The following KRT31 variants were observed in gnomAD, a reference collection of about 807,000 sequenced individuals.
KRT31 encodes keratin 31, also known as keratin, type I cuticular Ha1.
KRT31 carries 27 observed loss-of-function variants against 40.8 expected under a neutral mutation model. That is an observed-to-expected ratio of 0.66 (90% confidence interval 0.49 to 0.91). The LOEUF (loss-of-function observed/expected upper bound fraction) is 0.91. KRT31 is among the 40% of genes least tolerant of loss of function. The pLI, the probability that KRT31 is intolerant of heterozygous loss-of-function variation, is 0.00. For synonymous variants in KRT31, 231 were observed against 231.9 expected (o/e 1.00, Z 0.03); for missense variants, 510 against 544.1 (o/e 0.94, Z 0.62).
chr17:41,394,221 C>G, intron 6 of KRT31, 52 bp from the exon 7 acceptor site: 1 of 1,596,366 alleles, frequency 6.3e-7, no homozygotes, highest in Non-Finnish European at 8.6e-7. Flanking sequence ...ATTTTAAAAT[C>G]ATATGCCAGA....
chr17:41,397,559 GGAGT>G lies in KRT31; in HGVS notation c.-24_-21del. ...GGGCATAGTGCTGGGAGGGAGGGAG[GGAGT>G]GCCTGGCTGAAGACAGAGTCTAAAT... On this transcript the variant is annotated 5_prime_UTR_variant, in exon 1 of 7. Transcript: ENST00000251645. The G allele has an allele frequency of 6.6e-7, 1 of 1,506,026 alleles. No homozygotes were observed. Among genetic ancestry groups the G allele is most frequent in the Non-Finnish European group, 9.2e-7 (1 of 1,090,782 alleles). 93.3% of individuals were successfully genotyped at this position (1,506,026 alleles called of 1,614,324 possible).
chr17:41,397,347 CG>C lies in KRT31; in HGVS notation c.192del (p.Asn64LysfsTer106), dbSNP rs773524777. The C allele has an allele frequency of 6.2e-7, 1 of 1,613,584 alleles. No homozygotes were observed. Among genetic ancestry groups the C allele is most frequent in the African/African-American group, 1.3e-5 (1 of 74,934 alleles). ...TTCTCCAGGTAGCTGGCCAGGCGGTCGTTCAGGAACTGCATAGTCTCCTTCT... is the reference window on the plus strand; with the variant it reads ...TTCTCCAGGTAGCTGGCCAGGCGGTCTTCAGGAACTGCATAGTCTCCTTCT... The part of the protein sequence containing the change: ...GSEKETMQFL[N>X]DRLASYLEKV... On this transcript the variant is annotated frameshift_variant, in exon 1 of 7. Coordinates refer to ENST00000251645, the MANE Select transcript of KRT31 (RefSeq NM_002277.3). LOFTEE classifies it high-confidence loss of function.
chr17:41,393,766 C>A lies in KRT31; in HGVS notation c.*250G>T, dbSNP rs2269820. 2.1e-6 allele frequency: 1 copy of A among 486,104 alleles called. No homozygotes were observed. The highest frequency in any genetic ancestry group is 3.6e-6 in the Non-Finnish European group (1 of 279,622). The allele number at this position is 486,104 out of a possible 1,614,324, so 30.1% of individuals were successfully genotyped here. On this transcript the variant is annotated 3_prime_UTR_variant, in exon 7 of 7. Transcript: ENST00000251645. ...ATTTATTAGGAGGTTAAAAGGGAGG[C>A]CCACTGGCACATCAGAGAGTTCTCT... is the stretch of plus-strand genomic sequence containing the variant.
intron 6 of KRT31, among the ~76,000 whole-genome samples, 194 bp downstream of exon 6, chr17:41,394,654 G>C (rs780537272): frequency 5.3e-5 from 8 of 152,196 alleles, no homozygotes; most frequent in Non-Finnish European, 1.2e-4. Flanking sequence ...ATTTCAGTTT[G>C]TACATCAAAC....
chr17:41,394,663 ACAACTCTTGCTAC>A, intron 6 of KRT31, 172 bp downstream of exon 6: 1 of 739,206 alleles, frequency 1.4e-6, no homozygotes, highest in African/African-American at 1.9e-5. Flanking sequence ...TGTACATCAA[ACAACTCTTGCTAC>A]CAAACCATTT....
Position 41,393,782 on chromosome 17 carries a change from A to G in KRT31, c.*234T>C. On this transcript the variant is annotated 3_prime_UTR_variant, in exon 7 of 7. Coordinates refer to ENST00000251645, the MANE Select transcript of KRT31 (RefSeq NM_002277.3). ...AAAGGGAGGCCCACTGGCACATCAG[A>G]GAGTTCTCTGGGTGAGCATAGGAAG... 1 of 503,848 alleles carries G rather than the reference A, an allele frequency of 2.0e-6. No individual in the cohort carries two copies. The highest frequency in any genetic ancestry group is 3.4e-5 in the South Asian group (1 of 29,374). The allele number at this position is 503,848 out of a possible 1,614,324, so 31.2% of individuals were successfully genotyped here.
At position 41,395,613 on chromosome 17, in the gene KRT31, G is replaced by T. The variant is rs751109532; in HGVS notation, c.599C>A (p.Thr200Asn). The change falls in exon 4 of 7, where the codon ACC becomes AAC. Residue 200 changes from threonine to asparagine, a missense_variant. Thr to Asn is a moderately conservative substitution (Grantham distance 65, BLOSUM62 0). Coordinates refer to ENST00000251645, the MANE Select transcript of KRT31 (RefSeq NM_002277.3). ...LKSNHEQEVN[T>N]LRCQLGDRLN... is the part of the protein sequence containing the mutation. ...GCGGTCTCCAAGCTGGCAGCGCAGG[G>T]TATTGACCTCCTATGGATGCAGAAA... 1 of 1,614,032 alleles carries T rather than the reference G, an allele frequency of 6.2e-7. No homozygotes were observed. Among genetic ancestry groups the T allele is most frequent in the Non-Finnish European group, 8.5e-7 (1 of 1,179,936 alleles).
At position 41,396,428 on chromosome 17, in the gene KRT31, G is replaced by A; in HGVS notation, c.580C>T (p.His194Tyr). ...CTCATTTCTAGTCTCACCTGCTCAT[G>A]GTTGCTCTTGAGGCAGAGCAGCTCC... The part of the protein sequence containing the change: ...KEELLCLKSN[H>Y]EQEVNTLRCQ... The change falls in exon 3 of 7, where the codon CAT becomes TAT. Residue 194 changes from histidine to tyrosine, a missense_variant. Physicochemically the swap from His to Tyr is moderately conservative, Grantham distance 83 (BLOSUM62 2). Transcript: ENST00000251645. The A allele has an allele frequency of 1.2e-6, 2 of 1,613,882 alleles. No individual in the cohort carries two copies. Among genetic ancestry groups the A allele is most frequent in the South Asian group, 2.2e-5 (2 of 91,044 alleles).
At chr17:41,396,782 TG>T (rs2144359431) in intron 2 of KRT31, 130 bp downstream of exon 2, 2 of 1,010,412 alleles carry the variant, frequency 2.0e-6, no homozygotes, top group East Asian at 5.1e-5. Flanking sequence ...TGCATTTCTT[TG>T]CTTGGTTCTC....
At position 41,397,472 on chromosome 17, in the gene KRT31, G is replaced by T. The variant is rs1244678150; in HGVS notation, c.68C>A (p.Pro23His). ...CAGGGTGCAGCTGTGGCAGCTGGGG[G>T]GCACGCAGGGCCGGGAGGAGCAGCT... ...RTSCSSRPCV[P>H]PSCHSCTLPG... The change falls in exon 1 of 7, where the codon CCC becomes CAC. Residue 23 changes from proline (P) to histidine (H), a missense_variant. By Grantham distance (77) the Pro-to-His change is moderately conservative. Coordinates refer to ENST00000251645, the MANE Select transcript of KRT31 (RefSeq NM_002277.3). 2.5e-6 allele frequency: 4 copies of T among 1,613,280 alleles called. No homozygotes were observed. The African/African-American group carries it at 5.3e-5, about 22-fold the overall frequency.
chr17:41,396,105 C>CAA (rs10711172), intron 3 of KRT31, among the ~76,000 whole-genome samples: 189 of 82,268 alleles, frequency 2.3e-3, no homozygotes, highest in Middle Eastern at 7.9e-3. Flanking sequence ...TGGCCTTTGC[C>CAA]AAAAAAAAAA....
rs778815556 is a variant in KRT31, at chr17:41,396,486, G to A, written c.522C>T (p.Ser174=). 189 of 1,614,056 alleles carry A rather than the reference G, an allele frequency of 1.2e-4. No individual in the cohort carries two copies. In the East Asian group the frequency reaches 1.9e-3, roughly 16 times the overall value. The change falls in exon 3 of 7, where the codon TCC becomes TCT. Residue 174 remains serine (S), a synonymous_variant. Transcript: ENST00000251645. The stretch of plus-strand genomic sequence containing the variant: ...GGGACTCCACCTGGGCCTCCAGGTC[G>A]GACTTGCACAGGGTCAGCTCATCCA... ...RILDELTLCK[S]DLEAQVESLK... is the part of the protein sequence containing the mutation.
chr17:41,394,897 C>T lies in KRT31; in HGVS notation c.1048G>A (p.Glu350Lys), dbSNP rs1289049386. Residue 350 changes from glutamate (E) to lysine (K), a missense_variant, in exon 6 of 7, where the codon GAG (glutamate) becomes AAG (lysine). By Grantham distance (56) the Glu-to-Lys change is moderately conservative. Coordinates refer to ENST00000251645, the MANE Select transcript of KRT31 (RefSeq NM_002277.3). ...QVLLDVRARL[E>K]CEINTYRSLL... The stretch of plus-strand genomic sequence containing the variant: ...CTCCGGTATGTGTTGATCTCACACT[C>T]CAGCCGGGCACGCACATCCAGCAGC... The T allele has an allele frequency of 1.2e-6, 2 of 1,613,854 alleles. No individual in the cohort carries two copies. The highest frequency in any genetic ancestry group is 2.2e-5 in the East Asian group (1 of 44,840).
rs757276506 is a variant in KRT31 at position 41,397,007 on chromosome 17, G to C, written c.349-12C>G. 7.4e-6 allele frequency: 12 copies of C among 1,611,346 alleles called. No individual in the cohort carries two copies. The highest frequency in any genetic ancestry group is 2.7e-5 in the African/African-American group (2 of 74,966). On this transcript the variant is annotated splice_polypyrimidine_tract_variant and intron_variant, in intron 1 of 6. Transcript: ENST00000251645. ...TTGGTACACAGGATCTGGGGAGTGA[G>C]AGGTGGCTTAGTGAGGACTGAAAAT...
Position 41,393,823 on chromosome 17 carries a change from A to T in KRT31, c.*193T>A. The T allele has an allele frequency of 1.8e-6, 1 of 571,302 alleles. No homozygotes were observed. The allele number at this position is 571,302 out of a possible 1,614,324, so 35.4% of individuals were successfully genotyped here. ...GCATAGGAAGGAACAGACCCCCAGG[A>T]AGGAAAGGGTGAGCAGGACAGTCTG... On this transcript the variant is annotated 3_prime_UTR_variant, in exon 7 of 7. Transcript: ENST00000251645.
At chr17:41,396,865 A>C in intron 2 of KRT31, 48 bp downstream of exon 2, 1 of 1,435,616 alleles carries the variant, frequency 7.0e-7, no homozygotes, top group Non-Finnish European at 9.8e-7. Context: ...TTTTCTTTAA[A>C]GATTAAACAG....
In KRT31 at chr17:41,395,162, G is replaced by A. The variant is rs866902276; in HGVS notation, c.876+83C>T. 6.8e-6 allele frequency: 11 copies of A among 1,610,098 alleles called. No individual in the cohort carries two copies. The South Asian group carries it at 1.1e-4, about 16-fold the overall frequency. On this transcript the variant is annotated intron_variant, in intron 5 of 6. Coordinates refer to ENST00000251645, the MANE Select transcript of KRT31 (RefSeq NM_002277.3). ...GAAGTCACAAGCTCCAAGAGCTAAG[G>A]AGAGTGTGTGGCCCCAAGCACATCC...
Position 41,396,513 on chromosome 17 carries a change from G to A in KRT31, c.495C>T (p.Ile165=), listed in dbSNP as rs1351776153. Residue 165 remains isoleucine, a synonymous_variant, in exon 3 of 7, where the codon ATC becomes ATT. Transcript: ENST00000251645. The part of the protein sequence containing the change: ...VESDINGLRR[I]LDELTLCKSD... Reference sequence around the variant, plus strand: ...ACTTGCACAGGGTCAGCTCATCCAGGATCCTGCGCAGACCGTTGATGTCCG... The same window carrying A: ...ACTTGCACAGGGTCAGCTCATCCAGAATCCTGCGCAGACCGTTGATGTCCG... 5 of 1,614,046 alleles carry A rather than the reference G, an allele frequency of 3.1e-6. No individual in the cohort carries two copies. The highest frequency in any genetic ancestry group is 4.5e-5 in the East Asian group (2 of 44,886).
chr17:41,393,859 G>A lies in KRT31; in HGVS notation c.*157C>T. 1 of 708,214 alleles carries A rather than the reference G, an allele frequency of 1.4e-6. No homozygotes were observed. The highest frequency in any genetic ancestry group is 2.3e-6 in the Non-Finnish European group (1 of 443,672). The allele number at this position is 708,214 out of a possible 1,614,324, so 43.9% of individuals were successfully genotyped here. ...GAGCAGGACAGTCTGGAGTAGTTGG[G>A]GAGGCTACAGGCTTTGGGTGAGTTT... On this transcript the variant is annotated 3_prime_UTR_variant, in exon 7 of 7. Transcript: ENST00000251645.
Sources: allele counts gnomAD v4.1 joint callset (sites outside exome capture counted in the v4.1 genomes callset), GRCh38; gene constraint gnomAD v4.1.1; transcripts MANE v1.5; gene names NCBI Gene and HGNC (gene_info 2026-07-23, HGNC 2026-07-21).